Variants in MTFMT observed in about 807,000 individuals in gnomAD.
MTFMT encodes the protein mitochondrial methionyl-tRNA formyltransferase, also known as methionyl-tRNA formyltransferase, mitochondrial.
In MTFMT, 47 loss-of-function variants were observed where a neutral mutation model predicts 51.8. That is an observed-to-expected ratio of 0.91 (90% confidence interval 0.72 to 1.16). The LOEUF is 1.16. Among genes scored for constraint, MTFMT ranks in the 50% most tolerant of loss-of-function variants. The pLI, the probability that MTFMT is intolerant of heterozygous loss-of-function variation, is 0.00. For missense variants in MTFMT, 512 were observed against 482.3 expected (o/e 1.06, Z -0.58); for synonymous variants, 196 against 176.7 (o/e 1.11, Z -0.87).
intron 6 of MTFMT, among the ~76,000 whole-genome samples, chr15:65,008,388 T>C (rs866752102): frequency 6.6e-6 from 1 of 152,226 alleles, no homozygotes; most frequent in African/African-American, 2.4e-5. Flanking sequence ...CTGATTTAAA[T>C]GTTAATAAAA....
intron 6 of MTFMT, among the ~76,000 whole-genome samples, chr15:65,006,968 C>G (rs562430878): frequency 3.3e-5 from 5 of 152,268 alleles, no homozygotes; most frequent in Admixed American, 2.6e-4. Context: ...GTGGGCTTGA[C>G]TCAACATGTC....
At chr15:65,024,274 G>A (rs554238231) in intron 2 of MTFMT, among the ~76,000 whole-genome samples, 3 of 152,286 alleles carry the variant, frequency 2.0e-5, no homozygotes, top group Admixed American at 6.5e-5. Context: ...GCAGTGAACC[G>A]AGATCACGCC....
At chr15:65,027,112 G>A (rs1223374265) in intron 1 of MTFMT, 72 bp from the exon 2 acceptor site, 10 of 1,057,162 alleles carry the variant, frequency 9.5e-6, no homozygotes, top group Non-Finnish European at 1.1e-5. Context: ...TTCACATATC[G>A]CTAAGTATGT....
chr15:65,007,111 A>G (rs1042390325), intron 6 of MTFMT, among the ~76,000 whole-genome samples: 1 of 152,242 alleles, frequency 6.6e-6, no homozygotes, highest in African/African-American at 2.4e-5. Context: ...TGCCTTATGC[A>G]GGGGAAGAGC....
chr15:65,008,916 G>A (rs2086240122), intron 6 of MTFMT, among the ~76,000 whole-genome samples: 1 of 151,958 alleles, frequency 6.6e-6, no homozygotes, highest in Non-Finnish European at 1.5e-5. Flanking sequence ...ATATAGTCTT[G>A]TTCTTCGGGA....
chr15:65,007,145 G>T (rs571707969), intron 6 of MTFMT, among the ~76,000 whole-genome samples: 2 of 152,318 alleles, frequency 1.3e-5, no homozygotes, highest in South Asian at 4.1e-4. Flanking sequence ...CTCCTGTGTG[G>T]TGGCCTGGTA....
rs771850487 is a variant in MTFMT at position 65,016,531 on chromosome 15, C to T, written c.722-4G>A. 9 of 1,601,386 alleles carry T rather than the reference C, an allele frequency of 5.6e-6. No homozygotes were observed. The highest frequency in any genetic ancestry group is 1.7e-6 in the Non-Finnish European group (2 of 1,169,286). On this transcript the variant is annotated splice_polypyrimidine_tract_variant and splice_region_variant and intron_variant, in intron 5 of 8. Transcript: ENST00000220058. ...GTACCAGCAGAAATCTTAGGGGCTA[C>T]AAGATAAAACCAAGAGCAAAAATGA...
chr15:65,012,129 CAAAAAAAAAAAA>C (rs58093427), intron 6 of MTFMT, among the ~76,000 whole-genome samples: 4 of 58,678 alleles, frequency 6.8e-5, no homozygotes, highest in African/African-American at 2.1e-4. Flanking sequence ...GCACTCTTGT[CAAAAAAAAAAAA>C]AAAAAAAAAA....
At chr15:65,004,966 A>G in intron 7 of MTFMT, 30 bp from the exon 8 acceptor site, 2 of 1,509,036 alleles carry the variant, frequency 1.3e-6, no homozygotes, top group African/African-American at 1.4e-5. Context: ...AAAGATATAC[A>G]AGAGAAAAAA....
intron 5 of MTFMT, among the ~76,000 whole-genome samples, chr15:65,017,244 T>C (rs185916707): frequency 3.7e-4 from 57 of 152,158 alleles, no homozygotes; most frequent in African/African-American, 1.3e-3. Context: ...AAAATGTTGA[T>C]AGGAACATGG....
chr15:65,012,239 A>G lies in MTFMT; in HGVS notation c.813+4197T>C, dbSNP rs563043475. ...GAGTTAATGGGTACAGCACACCAAC[A>G]TGGCACATGTATACATATGTAACAA... is the stretch of plus-strand genomic sequence containing the variant. On this transcript the variant is annotated intron_variant, in intron 6 of 8. Coordinates refer to ENST00000220058, the MANE Select transcript of MTFMT (RefSeq NM_139242.4). Among the ~76,000 whole-genome samples, 8 of 151,268 alleles carry G rather than the reference A, an allele frequency of 5.3e-5. No homozygotes were observed. In the South Asian group the frequency reaches 1.7e-3, roughly 32 times the overall value.
At chr15:65,007,467 T>C (rs1257128123) in intron 6 of MTFMT, among the ~76,000 whole-genome samples, 2 of 152,270 alleles carry the variant, frequency 1.3e-5, no homozygotes, top group Non-Finnish European at 1.5e-5. Context: ...ACCTTTATGA[T>C]AGATATTTGT....
At chr15:65,028,588 T>C (rs897209524) in intron 1 of MTFMT, among the ~76,000 whole-genome samples, 1 of 151,932 alleles carries the variant, frequency 6.6e-6, no homozygotes, top group African/African-American at 2.4e-5. Context: ...AAGGATTCAA[T>C]ACATGAGGGG....
At chr15:65,007,333 A>C (rs1241225883) in intron 6 of MTFMT, among the ~76,000 whole-genome samples, 6 of 152,238 alleles carry the variant, frequency 3.9e-5, no homozygotes, top group Non-Finnish European at 1.5e-5. Flanking sequence ...CTGCATCAAT[A>C]CTGTTTTACA....
chr15:65,004,059 C>T (rs930877742), intron 8 of MTFMT, among the ~76,000 whole-genome samples: 2 of 151,702 alleles, frequency 1.3e-5, no homozygotes, highest in African/African-American at 2.4e-5. Flanking sequence ...TCTTATTGCC[C>T]AGGCTGGAGT....
chr15:65,021,586 T>A lies in MTFMT; in HGVS notation c.573A>T (p.Glu191Asp). Residue 191 changes from glutamate (E) to aspartate (D), a missense_variant, in exon 4 of 9, where the codon GAA becomes GAT. By Grantham distance (45) the Glu-to-Asp change is conservative. Coordinates refer to ENST00000220058, the MANE Select transcript of MTFMT (RefSeq NM_139242.4). Reference protein sequence around the residue: ...RFDVGPILKQETVPVPPKSTA... With the variant: ...RFDVGPILKQDTVPVPPKSTA... ...TGCTCTTGGGTGGCACAGGAACAGT[T>A]TCTTGTTTGAGAATTGGGCCTACAT... The A allele has an allele frequency of 1.3e-6, 2 of 1,592,112 alleles. No homozygotes were observed. Among genetic ancestry groups the A allele is most frequent in the Non-Finnish European group, 1.7e-6 (2 of 1,163,162 alleles).
intron 8 of MTFMT, among the ~76,000 whole-genome samples, chr15:65,004,546 C>T (rs539635788): frequency 6.6e-6 from 1 of 152,230 alleles, no homozygotes; most frequent in Admixed American, 6.5e-5. Context: ...TTTGATATGA[C>T]TATCTTTTAT....
At chr15:65,026,782 T>TA in intron 2 of MTFMT, 49 bp downstream of exon 2, 1 of 1,448,816 alleles carries the variant, frequency 6.9e-7, no homozygotes, top group South Asian at 1.3e-5. Context: ...AAGGTCCATT[T>TA]ATAAAGACCA....
chr15:65,024,373 T>C (rs1483339728), intron 2 of MTFMT, among the ~76,000 whole-genome samples: 1 of 152,164 alleles, frequency 6.6e-6, no homozygotes, highest in Admixed American at 6.5e-5. Context: ...AATAAAATTT[T>C]AAAATGCATT....
Sources: allele counts gnomAD v4.1 joint callset (sites outside exome capture counted in the v4.1 genomes callset), GRCh38; gene constraint gnomAD v4.1.1; transcripts MANE v1.5; gene names NCBI Gene and HGNC (gene_info 2026-07-23, HGNC 2026-07-21).